The following CENPU variants were observed in gnomAD, a reference collection of about 807,000 sequenced individuals.
The protein encoded by CENPU is centromere protein U, also known as KSHV latent nuclear antigen interacting protein 1.
In CENPU, 46 loss-of-function variants were observed where a neutral mutation model predicts 56.7. The ratio of observed to expected loss-of-function variants is 0.81; its 90% CI spans 0.64 to 1.04. The LOEUF (loss-of-function observed/expected upper bound fraction) is 1.04. Among genes scored for constraint, CENPU ranks in the 50% least tolerant of loss-of-function variants. CENPU has a pLI of 0.00. For synonymous variants in CENPU, 166 were observed against 163.0 expected (o/e 1.02, Z -0.14); for missense variants, 510 against 490.1 (o/e 1.04, Z -0.38).
At chr4:184,717,221 A>G (rs1354447306) in intron 4 of CENPU, 25 bp from the exon 5 acceptor site, 1 of 1,558,240 alleles carries the variant, frequency 6.4e-7, no homozygotes, top group Non-Finnish European at 8.8e-7. Flanking sequence ...AGCCATCAAT[A>G]TCTTGTACAC....
At chr4:184,719,129 C>T (rs932073533) in intron 4 of CENPU, among the ~76,000 whole-genome samples, 1 of 152,136 alleles carries the variant, frequency 6.6e-6, no homozygotes, top group Admixed American at 6.5e-5. Flanking sequence ...CACTGATTGT[C>T]CCCTGCAGGA....
intron 6 of CENPU, among the ~76,000 whole-genome samples, chr4:184,715,926 GCTTT>G (rs1761077015): frequency 7.4e-6 from 1 of 135,540 alleles, no homozygotes. Flanking sequence ...ATACCTTCTA[GCTTT>G]TTTTTTGTTT....
intron 8 of CENPU, among the ~76,000 whole-genome samples, chr4:184,709,481 A>C (rs1579770434): frequency 7.0e-6 from 1 of 142,724 alleles, no homozygotes; most frequent in Non-Finnish European, 1.5e-5. Context: ...GAGAGACTCC[A>C]TCTCAAAAAA....
rs1561141830 is a variant in CENPU, at chr4:184,721,478, AGG to A, written c.320+3477_320+3478del. ...ATTGTAAAAAAAAAAAAAAAAAAAA[AGG>A]ACCCAATGATTTGTTGCCTACAAGA... On this transcript the variant is annotated intron_variant, in intron 4 of 12. Transcript: ENST00000281453. 6.9e-4 allele frequency among the ~76,000 whole-genome samples: 100 copies of A among 144,314 alleles called. 2 individuals carry two copies. Among genetic ancestry groups the A allele is most frequent in the African/African-American group, 2.3e-3 (89 of 38,382 alleles). 94.7% of individuals were successfully genotyped at this position (144,314 alleles called of 152,430 possible).
At chr4:184,731,577 G>A (rs1486939910) in intron 1 of CENPU, among the ~76,000 whole-genome samples, 2 of 152,192 alleles carry the variant, frequency 1.3e-5, no homozygotes, top group Non-Finnish European at 2.9e-5. Context: ...GGAAATAACA[G>A]TGGCAGGATT....
intron 7 of CENPU, 44 bp from the exon 8 acceptor site, chr4:184,710,224 G>A (rs752025713): frequency 1.5e-6 from 2 of 1,358,924 alleles, no homozygotes; most frequent in Non-Finnish European, 1.0e-6. Flanking sequence ...TTCATATTTT[G>A]GCTGTAGGTC....
intron 2 of CENPU, among the ~76,000 whole-genome samples, chr4:184,729,422 G>A (rs1328082364): frequency 6.6e-6 from 1 of 152,218 alleles, no homozygotes; most frequent in Non-Finnish European, 1.5e-5. Context: ...CTCAGCCACT[G>A]TCACATGAAT....
At chr4:184,716,231 G>C (rs1036075392) in intron 6 of CENPU, among the ~76,000 whole-genome samples, 166 bp downstream of exon 6, 1 of 151,920 alleles carries the variant, frequency 6.6e-6, no homozygotes, top group Non-Finnish European at 1.5e-5. Context: ...CACCTCGCCC[G>C]GCCATACCAT....
intron 8 of CENPU, among the ~76,000 whole-genome samples, chr4:184,706,261 C>T (rs1286664936): frequency 6.6e-6 from 1 of 152,142 alleles, no homozygotes; most frequent in Non-Finnish European, 1.5e-5. Context: ...CTCAACTACT[C>T]TGGAGGCTGA....
rs28459754 is a variant in CENPU, at chr4:184,715,126, C to T, written c.618+1271G>A. On this transcript the variant is annotated intron_variant, in intron 6 of 12. Coordinates refer to ENST00000281453, the MANE Select transcript of CENPU (RefSeq NM_024629.4). Reference sequence around the variant, plus strand: ...TTTGAAGGATATATAAGAAACTATACGGTTACCTGTGTGTATGTTTAGCAG... The same window carrying T: ...TTTGAAGGATATATAAGAAACTATATGGTTACCTGTGTGTATGTTTAGCAG... Among the ~76,000 whole-genome samples the T allele has an allele frequency of 5.9e-5, 9 of 152,140 alleles. No individual in the cohort carries two copies. The South Asian group carries it at 1.0e-3, about 18-fold the overall frequency.
intron 1 of CENPU, chr4:184,733,527 C>A: frequency 2.0e-6 from 1 of 490,870 alleles, no homozygotes; most frequent in Non-Finnish European, 2.7e-6. Flanking sequence ...CTCGAGCCAT[C>A]CTGGAGAACC....
chr4:184,731,072 A>AT, intron 1 of CENPU, 104 bp from the exon 2 acceptor site: 1 of 654,964 alleles, frequency 1.5e-6, no homozygotes, highest in Non-Finnish European at 2.2e-6. Flanking sequence ...AAAAAAAAAC[A>AT]AGAACCCATA....
intron 4 of CENPU, among the ~76,000 whole-genome samples, chr4:184,723,424 A>G (rs1761343634): frequency 6.6e-6 from 1 of 152,212 alleles, no homozygotes; most frequent in Admixed American, 6.5e-5. Flanking sequence ...ACACCTTTTT[A>G]TATTTTTAAA....
In CENPU at chr4:184,697,733, T is replaced by C; in HGVS notation, c.1057A>G (p.Asn353Asp). ...AAATTAGATAAGAAATATGCTGCAT[T>C]CCTAAGGGAAGACTTTCTCTCTTTA... ...ELKERKSSLR[N>D]AAYFLSNLKQ... Residue 353 changes from asparagine (N) to aspartate (D), a missense_variant, in exon 12 of 13, where the codon AAT becomes GAT. By Grantham distance (23) the Asn-to-Asp change is conservative. Coordinates refer to ENST00000281453, the MANE Select transcript of CENPU (RefSeq NM_024629.4). 6.2e-7 allele frequency: 1 copy of C among 1,612,682 alleles called. No homozygotes were observed. Among genetic ancestry groups the C allele is most frequent in the Non-Finnish European group, 8.5e-7 (1 of 1,179,032 alleles).
chr4:184,716,877 A>T (rs1232765451), intron 5 of CENPU, among the ~76,000 whole-genome samples: 1 of 152,220 alleles, frequency 6.6e-6, no homozygotes, highest in African/African-American at 2.4e-5. Context: ...CAGTACAAGA[A>T]TGCTATGAAA....
chr4:184,702,321 G>T, intron 9 of CENPU, 42 bp downstream of exon 9: 2 of 1,574,190 alleles, frequency 1.3e-6, no homozygotes, highest in South Asian at 2.3e-5. Flanking sequence ...CAGGATTAGT[G>T]AAAAAAACCT....
At chr4:184,700,974 A>T (rs188497915) in intron 10 of CENPU, 93 bp from the exon 11 acceptor site, 1 of 954,988 alleles carries the variant, frequency 1.0e-6, no homozygotes, top group East Asian at 2.4e-5. Context: ...GTGGAAAACA[A>T]GACAGACCCA....
intron 10 of CENPU, among the ~76,000 whole-genome samples, chr4:184,701,277 G>A (rs750398076): frequency 2.6e-5 from 4 of 151,962 alleles, no homozygotes; most frequent in Admixed American, 6.6e-5. Flanking sequence ...TTATTATCTC[G>A]GACATTCAGT....
rs368445294 is a variant in CENPU at position 184,697,849 on chromosome 4, G to A, written c.987-46C>T. The A allele has an allele frequency of 1.1e-4, 163 of 1,488,154 alleles. 3 individuals carry two copies. The African/African-American group carries it at 1.7e-3, about 15-fold the overall frequency. The allele number at this position is 1,488,154 out of a possible 1,614,324, so 92.2% of individuals were successfully genotyped here. ...AAATAATAAAATGTACCAGCCTATC[G>A]TGGTGAAACTGAGGTTGTAAGTACG... On this transcript the variant is annotated intron_variant, in intron 11 of 12. Transcript: ENST00000281453.
Sources: gnomAD v4.1 joint callset for allele counts (sites outside exome capture counted in the v4.1 genomes callset) on GRCh38, gnomAD v4.1.1 for gene constraint, MANE v1.5 for transcripts, NCBI Gene and HGNC (gene_info 2026-07-23, HGNC 2026-07-21) for gene names.